The following LPAR3 variants were observed in gnomAD, a reference collection of about 807,000 sequenced individuals.
LPAR3 encodes the protein LPA receptor 3.
A neutral mutation model predicts 17.8 loss-of-function variants in LPAR3; 7 were observed. That is an observed-to-expected ratio of 0.39 (90% CI 0.22 to 0.74). The LOEUF is 0.74. LPAR3 is among the 30% of genes least tolerant of loss of function. The pLI is 0.40. For synonymous variants in LPAR3, 179 were observed against 179.9 expected (o/e 0.99, Z 0.04); for missense variants, 391 against 453.4 (o/e 0.86, Z 1.25).
intron 2 of LPAR3, among the ~76,000 whole-genome samples, chr1:84,838,393 C>A (rs569046044): frequency 6.6e-6 from 1 of 152,148 alleles, no homozygotes; most frequent in Non-Finnish European, 1.5e-5. Flanking sequence ...CATATATGGG[C>A]TACATGCTTT....
intron 1 of LPAR3, among the ~76,000 whole-genome samples, chr1:84,882,309 A>T (rs1057192407): frequency 3.3e-5 from 5 of 152,332 alleles, no homozygotes; most frequent in East Asian, 3.9e-4. Flanking sequence ...TACACTGAAA[A>T]CTATAAAACA....
chr1:84,868,689 G>A (rs1030162432), intron 1 of LPAR3, among the ~76,000 whole-genome samples: 1 of 152,082 alleles, frequency 6.6e-6, no homozygotes, highest in African/African-American at 2.4e-5. Flanking sequence ...GAAGAGGCCT[G>A]AGAGAACTCG....
At chr1:84,839,940 T>C (rs183221112) in intron 2 of LPAR3, among the ~76,000 whole-genome samples, 203 of 152,310 alleles carry the variant, frequency 1.3e-3, no homozygotes, top group Non-Finnish European at 2.4e-3. Context: ...CTTGCTTCTA[T>C]TTTTAAACAG....
rs1389213726 is a variant in LPAR3, at chr1:84,813,520, C to T, written c.*326G>A. 2.0e-5 allele frequency: 5 copies of T among 247,048 alleles called. No individual in the cohort carries two copies. The highest frequency in any genetic ancestry group is 4.4e-5 in the African/African-American group (2 of 45,888). 15.3% of individuals were successfully genotyped at this position (247,048 alleles called of 1,614,324 possible). A position where few individuals can be genotyped will look rare whatever the true frequency, so the allele number is the denominator to read the frequency against. ...TATTTTGGTCTAAGCCCTTTCATAACGTCCTTTTAAAATACAAAGAGAATG... is the reference window on the plus strand; with the variant it reads ...TATTTTGGTCTAAGCCCTTTCATAATGTCCTTTTAAAATACAAAGAGAATG... On this transcript the variant is annotated 3_prime_UTR_variant, in exon 3 of 3. Transcript: ENST00000370611.
intron 2 of LPAR3, among the ~76,000 whole-genome samples, chr1:84,840,057 G>T (rs569300880): frequency 1.3e-5 from 2 of 152,176 alleles, no homozygotes; most frequent in South Asian, 4.2e-4. Flanking sequence ...CAATTAGCTG[G>T]GACCACAGGT....
intron 2 of LPAR3, among the ~76,000 whole-genome samples, chr1:84,856,563 T>C (rs1179472728): frequency 6.6e-6 from 1 of 152,070 alleles, no homozygotes; most frequent in East Asian, 1.9e-4. Context: ...TTTCTCTCTC[T>C]CTCTTTTTTA....
chr1:84,878,058 T>A (rs1384422199), intron 1 of LPAR3, among the ~76,000 whole-genome samples: 1 of 151,582 alleles, frequency 6.6e-6, no homozygotes, highest in Non-Finnish European at 1.5e-5. Flanking sequence ...TGACCTCACA[T>A]GACATTCAAC....
intron 2 of LPAR3, among the ~76,000 whole-genome samples, chr1:84,841,769 T>C (rs1214951112): frequency 6.6e-6 from 1 of 152,118 alleles, no homozygotes; most frequent in Non-Finnish European, 1.5e-5. Flanking sequence ...CTGACCAAAA[T>C]TGTTAGCTTC....
At chr1:84,856,455 A>G in intron 2 of LPAR3, among the ~76,000 whole-genome samples, 1 of 152,234 alleles carries the variant, frequency 6.6e-6, no homozygotes, top group African/African-American at 2.4e-5. Context: ...GTAAACATTG[A>G]AAGCAGGCTT....
At chr1:84,820,530 A>C (rs1659033359) in intron 2 of LPAR3, among the ~76,000 whole-genome samples, 1 of 152,192 alleles carries the variant, frequency 6.6e-6, no homozygotes, top group African/African-American at 2.4e-5. Flanking sequence ...GGTAATTCCA[A>C]GTGGTTCAGG....
intron 2 of LPAR3, among the ~76,000 whole-genome samples, chr1:84,833,260 C>A (rs1292171250): frequency 6.6e-6 from 1 of 152,166 alleles, no homozygotes; most frequent in East Asian, 1.9e-4. Context: ...CTTCCTGTTT[C>A]AAAATATTCC....
At chr1:84,859,490 G>A (rs776932782) in intron 2 of LPAR3, among the ~76,000 whole-genome samples, 1 of 152,094 alleles carries the variant, frequency 6.6e-6, no homozygotes, top group Non-Finnish European at 1.5e-5. Context: ...AATAAACCTT[G>A]ACCCTCAAGA....
chr1:84,866,134 A>C lies in LPAR3; in HGVS notation c.-14T>G. 2 of 1,209,556 alleles carry C rather than the reference A, an allele frequency of 1.7e-6. No individual in the cohort carries two copies. Among genetic ancestry groups the C allele is most frequent in the Non-Finnish European group, 2.3e-6 (2 of 861,422 alleles). The allele number at this position is 1,209,556 out of a possible 1,614,324, so 74.9% of individuals were successfully genotyped here. On this transcript the variant is annotated 5_prime_UTR_variant, in exon 2 of 3. Coordinates refer to ENST00000370611, the MANE Select transcript of LPAR3 (RefSeq NM_012152.3). Reference sequence around the variant, plus strand: ...ACACTCATTCATTGTGGAGAAGTGAACATCCTAGAAAGAAATTTAAAGAAG... The same window carrying C: ...ACACTCATTCATTGTGGAGAAGTGACCATCCTAGAAAGAAATTTAAAGAAG...
At chr1:84,871,027 G>A (rs572557729) in intron 1 of LPAR3, among the ~76,000 whole-genome samples, 1 of 152,032 alleles carries the variant, frequency 6.6e-6, no homozygotes, top group Non-Finnish European at 1.5e-5. Context: ...CTGAAAATAT[G>A]TTTTCAACTT....
rs2102778494 is a variant in LPAR3, at chr1:84,893,183, C to G, written c.-186G>C. 1 of 152,266 alleles carries G rather than the reference C, an allele frequency of 6.6e-6. No homozygotes were observed. Among genetic ancestry groups the G allele is most frequent in the Admixed American group, 6.5e-5 (1 of 15,298 alleles). 9.4% of individuals were successfully genotyped at this position (152,266 alleles called of 1,614,324 possible). ...CGGAGCGCCTCCTCTCCAGCGACCC[C>G]TGCGACGCGTCCAGAGCCAAAGGAA... On this transcript the variant is annotated 5_prime_UTR_variant, in exon 1 of 3. Transcript: ENST00000370611.
intron 2 of LPAR3, among the ~76,000 whole-genome samples, chr1:84,847,791 C>T (rs1439758106): frequency 6.6e-6 from 1 of 152,234 alleles, no homozygotes; most frequent in African/African-American, 2.4e-5. Flanking sequence ...TGGCCTACAG[C>T]CATGGCCAGG....
intron 1 of LPAR3, among the ~76,000 whole-genome samples, chr1:84,889,263 G>A (rs934614368): frequency 6.6e-6 from 1 of 152,194 alleles, no homozygotes; most frequent in African/African-American, 2.4e-5. Flanking sequence ...CTTTCAGACT[G>A]AATTAAGTAA....
intron 2 of LPAR3, among the ~76,000 whole-genome samples, chr1:84,854,513 G>A (rs77425391): frequency 0.031 from 4,755 of 152,242 alleles, 114 homozygotes; most frequent in Non-Finnish European, 0.05. Context: ...GAACAGGTCT[G>A]CCTCCATGTC....
rs1274265374 is a variant in LPAR3 at position 84,813,156 on chromosome 1, T to TAGAGAGAGAGAGAGAG, written c.*689_*690insCTCTCTCTCTCTCTCT. 2.3e-3 allele frequency: 240 copies of TAGAGAGAGAGAGAGAG among 102,184 alleles called. 1 individual carries two copies. Among genetic ancestry groups the TAGAGAGAGAGAGAGAG allele is most frequent in the African/African-American group, 3.1e-3 (84 of 27,518 alleles). The allele number at this position is 102,184 out of a possible 1,614,324, so 6.3% of individuals were successfully genotyped here. A position where few individuals can be genotyped will look rare whatever the true frequency, so the allele number is the denominator to read the frequency against. ...ATATATATATATATATATATATATA[T>TAGAGAGAGAGAGAGAG]ATAGACACACACACACACACACACA... On this transcript the variant is annotated 3_prime_UTR_variant, in exon 3 of 3. Transcript: ENST00000370611.
Sources: gnomAD v4.1 joint callset for allele counts (sites outside exome capture counted in the v4.1 genomes callset) on GRCh38, gnomAD v4.1.1 for gene constraint, MANE v1.5 for transcripts, NCBI Gene and HGNC (gene_info 2026-07-23, HGNC 2026-07-21) for gene names.